MS4A6A: variants seen among roughly 807,000 people sequenced by gnomAD.
MS4A6A encodes the protein membrane spanning 4-domains A6A.
MS4A6A carries 19 observed loss-of-function variants against 20.6 expected under a neutral mutation model. The ratio of observed to expected loss-of-function variants is 0.92; its 90% CI spans 0.64 to 1.36. The LOEUF (loss-of-function observed/expected upper bound fraction) is 1.36, where lower values mean the gene tolerates loss of function less well. MS4A6A is among the 40% of genes most tolerant of loss of function. The pLI, the probability that MS4A6A is intolerant of heterozygous loss-of-function variation, is 0.00. For synonymous variants in MS4A6A, 108 were observed against 105.0 expected (o/e 1.03, Z -0.17); for missense variants, 272 against 261.1 (o/e 1.04, Z -0.29).
chr11:60,174,576 G>A (rs1050337651), intron 5 of MS4A6A, among the ~76,000 whole-genome samples: 2 of 152,066 alleles, frequency 1.3e-5, no homozygotes, highest in African/African-American at 2.4e-5. Flanking sequence ...CATGCACCAG[G>A]GCCTCCCAAA....
chr11:60,179,413 C>T (rs1036869970), intron 3 of MS4A6A: 2 of 459,598 alleles, frequency 4.4e-6, no homozygotes, highest in African/African-American at 4.0e-5. Flanking sequence ...AGTTCTCCTT[C>T]CTCCATGATC....
chr11:60,173,476 T>C (rs1457648117), intron 5 of MS4A6A, among the ~76,000 whole-genome samples: 1 of 152,204 alleles, frequency 6.6e-6, no homozygotes, highest in Admixed American at 6.5e-5. Flanking sequence ...AATCAGCAGC[T>C]CCGTTCCAGT....
At chr11:60,178,920 C>A in intron 3 of MS4A6A, 2 of 380,252 alleles carry the variant, frequency 5.3e-6, no homozygotes, top group South Asian at 2.0e-5. Flanking sequence ...TCAAAGTTCT[C>A]AAGGAAAAGG....
chr11:60,179,333 G>C (rs1244899022), intron 3 of MS4A6A, among the ~76,000 whole-genome samples: 1 of 152,124 alleles, frequency 6.6e-6, no homozygotes, highest in African/African-American at 2.4e-5. Context: ...ACTGGGCATA[G>C]ATATCTGCTC....
intron 2 of MS4A6A, chr11:60,180,176 C>G: frequency 1.7e-6 from 1 of 586,660 alleles, no homozygotes; most frequent in Non-Finnish European, 3.0e-6. Flanking sequence ...AGGTGTCTGG[C>G]AGGTGCTCAG....
chr11:60,181,748 A>G lies in MS4A6A; in HGVS notation c.-14-7T>C. On this transcript the variant is annotated splice_polypyrimidine_tract_variant and splice_region_variant and intron_variant, in intron 1 of 5. Transcript: ENST00000528851. ...GTCATGATGGTGTTGCCAACTATGT[A>G]AGAAAAAATAGATTTAGCTCTTAAA... 1.9e-6 allele frequency: 3 copies of G among 1,613,232 alleles called. No individual in the cohort carries two copies. Among genetic ancestry groups the G allele is most frequent in the Non-Finnish European group, 1.7e-6 (2 of 1,179,378 alleles).
chr11:60,181,864 C>CT, intron 1 of MS4A6A, 123 bp from the exon 2 acceptor site: 1 of 927,708 alleles, frequency 1.1e-6, no homozygotes, highest in Non-Finnish European at 1.7e-6. Context: ...GAGAAAGAAA[C>CT]TGATAGTATG....
intron 4 of MS4A6A, 56 bp from the exon 5 acceptor site, chr11:60,175,667 C>A: frequency 6.5e-7 from 1 of 1,546,752 alleles, no homozygotes; most frequent in Non-Finnish European, 8.9e-7. Flanking sequence ...ATCTGTTATG[C>A]ATCTTTGCCA....
chr11:60,183,383 C>A, upstream of MS4A6A: 1 of 542,258 alleles, frequency 1.8e-6, no homozygotes, highest in Non-Finnish European at 3.3e-6. Context: ...TAAAGATGAG[C>A]AAAAATATTT....
chr11:60,175,463 G>C lies in MS4A6A; in HGVS notation c.488C>G (p.Ser163Cys), dbSNP rs749297129. ...ATAAAGTGAATCATGATAAAAGTAA[G>C]AAACATAACTTCTTGTTGGTATATT... The part of the protein sequence containing the change: ...KNNIPTRSYV[S>C]YFYHDSLYTT... Residue 163 changes from serine (S) to cysteine (C), a missense_variant, in exon 5 of 6, where the codon TCT becomes TGT. Transcript: ENST00000528851. 1.2e-6 allele frequency: 2 copies of C among 1,614,142 alleles called. No individual in the cohort carries two copies. Among genetic ancestry groups the C allele is most frequent in the South Asian group, 2.2e-5 (2 of 91,070 alleles).
In MS4A6A at chr11:60,175,451, T is replaced by G; in HGVS notation, c.500A>C (p.His167Pro). The change falls in exon 5 of 6, where the codon CAT (histidine) becomes CCT (proline). Residue 167 changes from histidine to proline, a missense_variant. Coordinates refer to ENST00000528851, the MANE Select transcript of MS4A6A (RefSeq NM_022349.4). ...GCAGTCCGTGGTATAAAGTGAATCA[T>G]GATAAAAGTAAGAAACATAACTTCT... ...PTRSYVSYFYHDSLYTTDCYT... is the reference protein window; with the variant it reads ...PTRSYVSYFYPDSLYTTDCYT... 6.2e-7 allele frequency: 1 copy of G among 1,614,194 alleles called. No homozygotes were observed. Among genetic ancestry groups the G allele is most frequent in the Non-Finnish European group, 8.5e-7 (1 of 1,180,008 alleles).
At chr11:60,180,706 CTCA>C in intron 2 of MS4A6A, 1 of 226,212 alleles carries the variant, frequency 4.4e-6, no homozygotes, top group South Asian at 6.0e-5. Context: ...TCCATGTGTT[CTCA>C]TCATTTAGAG....
At chr11:60,176,010 C>A (rs182308591) in intron 4 of MS4A6A, among the ~76,000 whole-genome samples, 241 of 152,350 alleles carry the variant, frequency 1.6e-3, no homozygotes, top group Non-Finnish European at 2.3e-3. Flanking sequence ...CTGGCGGAAG[C>A]ATCAGCCACA....
At chr11:60,180,088 C>A in intron 2 of MS4A6A, 123 bp from the exon 3 acceptor site, 2 of 955,480 alleles carry the variant, frequency 2.1e-6, no homozygotes, top group Non-Finnish European at 3.1e-6. Context: ...GGATACAAAC[C>A]CTGTGGAAAC....
intron 5 of MS4A6A, among the ~76,000 whole-genome samples, chr11:60,174,384 C>T (rs1050829649): frequency 1.1e-4 from 17 of 149,182 alleles, no homozygotes; most frequent in African/African-American, 3.9e-4. Context: ...AGTGCAGTGG[C>T]GTGATCTCAG....
chr11:60,174,952 T>C (rs1856761907), intron 5 of MS4A6A, among the ~76,000 whole-genome samples: 1 of 152,086 alleles, frequency 6.6e-6, no homozygotes, highest in African/African-American at 2.4e-5. Context: ...TCCTATCCTC[T>C]TTTTCTTAGT....
Position 60,182,980 on chromosome 11 carries a change from G to C in MS4A6A, c.-17C>G. 10 of 1,380,274 alleles carry C rather than the reference G, an allele frequency of 7.2e-6. No homozygotes were observed. Among genetic ancestry groups the C allele is most frequent in the Non-Finnish European group, 9.3e-6 (10 of 1,072,576 alleles). 85.5% of individuals were successfully genotyped at this position (1,380,274 alleles called of 1,614,324 possible). Reference sequence around the variant, plus strand: ...AAAAGTCTTCCAGCATTACCTACCTGTGCCCGTTGGTTCCAGCTGAGTCCT... The same window carrying C: ...AAAAGTCTTCCAGCATTACCTACCTCTGCCCGTTGGTTCCAGCTGAGTCCT... On this transcript the variant is annotated splice_region_variant and 5_prime_UTR_variant, in exon 1 of 6. Coordinates refer to ENST00000528851, the MANE Select transcript of MS4A6A (RefSeq NM_022349.4).
Position 60,173,034 on chromosome 11 carries a change from G to A in MS4A6A, c.645C>T (p.Phe215=), listed in dbSNP as rs200473614. Residue 215 remains phenylalanine (F), a synonymous_variant, in exon 6 of 6, where the codon TTC becomes TTT. Transcript: ENST00000528851. Reference sequence around the variant, plus strand: ...AGCCGGCCAGCACACTCACCCCAGGGAAGTCAGAGTAAGCCTGTTTCCACC... The same window carrying A: ...AGCCGGCCAGCACACTCACCCCAGGAAAGTCAGAGTAAGCCTGTTTCCACC... ...VLRWKQAYSD[F]PGVSVLAGFT is the part of the protein sequence containing the mutation. 4.3e-6 allele frequency: 7 copies of A among 1,614,114 alleles called. No homozygotes were observed. The African/African-American group carries it at 5.3e-5, about 12-fold the overall frequency.
chr11:60,184,035 C>A (rs2083858092), upstream of MS4A6A: 2 of 152,280 alleles, frequency 1.3e-5, no homozygotes, highest in South Asian at 4.1e-4. Flanking sequence ...TCCTCCTTTC[C>A]TTGGGGGAGC....
Sources: allele counts gnomAD v4.1 joint callset (sites outside exome capture counted in the v4.1 genomes callset), GRCh38; gene constraint gnomAD v4.1.1; transcripts MANE v1.5; gene names NCBI Gene and HGNC (gene_info 2026-07-23, HGNC 2026-07-21).